The following ATP2B2 variants were observed in gnomAD, a reference collection of about 807,000 sequenced individuals.
ATP2B2 encodes ATPase plasma membrane Ca2+ transporting 2.
Under a neutral mutation model 120.0 loss-of-function variants are expected in ATP2B2, and 15 were observed. The observed-to-expected ratio is 0.12, with a 90% CI of 0.08 to 0.19. The LOEUF (loss-of-function observed/expected upper bound fraction) is 0.19, where lower values mean the gene tolerates loss of function less well. ATP2B2 is among the 10% of genes least tolerant of loss of function. The probability of loss-of-function intolerance (pLI) is 1.00; values close to 1 mark genes in which losing one functional copy is unlikely to be tolerated. For synonymous variants in ATP2B2, 694 were observed against 700.3 expected (o/e 0.99, Z 0.14); for missense variants, 1,045 against 1,719.8 (o/e 0.61, Z 6.94).
chr3:10,373,032 A>T (rs1348620429), intron 11 of ATP2B2, among the ~76,000 whole-genome samples: 2 of 152,246 alleles, frequency 1.3e-5, no homozygotes, highest in African/African-American at 2.4e-5. Context: ...ATAGAGCTTT[A>T]TGTTACTAAA....
intron 2 of ATP2B2, among the ~76,000 whole-genome samples, chr3:10,548,902 TG>T (rs1418292854): frequency 6.6e-6 from 1 of 152,368 alleles, no homozygotes; most frequent in Non-Finnish European, 1.5e-5. Flanking sequence ...TCAGAGGTTT[TG>T]TTTTAATCAT....
intron 2 of ATP2B2, among the ~76,000 whole-genome samples, chr3:10,558,858 G>A (rs1472731524): frequency 2.6e-5 from 4 of 152,050 alleles, no homozygotes; most frequent in African/African-American, 9.7e-5. Flanking sequence ...AGAGGGGAGG[G>A]GAGGAAAGAG....
chr3:10,470,491 C>A, intron 1 of ATP2B2, among the ~76,000 whole-genome samples: 1 of 152,260 alleles, frequency 6.6e-6, no homozygotes, highest in East Asian at 1.9e-4. Flanking sequence ...GAGGGACCTG[C>A]CTCCCAGCTG....
At chr3:10,339,681 G>A (rs1435171503) in intron 21 of ATP2B2, among the ~76,000 whole-genome samples, 1 of 152,198 alleles carries the variant, frequency 6.6e-6, no homozygotes, top group Non-Finnish European at 1.5e-5. Flanking sequence ...ATGGCCACAG[G>A]CACAGCACTG....
At chr3:10,658,618 T>C (rs2070699721) in intron 1 of ATP2B2, among the ~76,000 whole-genome samples, 1 of 152,104 alleles carries the variant, frequency 6.6e-6, no homozygotes, top group South Asian at 2.1e-4. Context: ...CTACATCTGA[T>C]TGGTGTACCT....
At chr3:10,355,092 TAAAC>T (rs138487325) in intron 14 of ATP2B2, among the ~76,000 whole-genome samples, 6,359 of 151,952 alleles carry the variant, frequency 0.042, 298 homozygotes, top group Admixed American at 0.15. Flanking sequence ...AACAAACAAA[TAAAC>T]AAAGCCATAC....
rs186264168 is a variant in ATP2B2, at chr3:10,409,369, T to A, written c.397+1249A>T. Reference sequence around the variant, plus strand: ...TAGTTTTTAATTTTATTTTTCATTTTAAAATTTTTGTTTTATTATTATTAT... The same window carrying A: ...TAGTTTTTAATTTTATTTTTCATTTAAAAATTTTTGTTTTATTATTATTAT... On this transcript the variant is annotated intron_variant, in intron 3 of 22. Transcript: ENST00000360273. 3.9e-4 allele frequency among the ~76,000 whole-genome samples: 60 copies of A among 152,328 alleles called. 1 individual carries two copies. The East Asian group carries it at 6.0e-3, about 15-fold the overall frequency.
chr3:10,400,891 G>A (rs987215074), intron 5 of ATP2B2, 62 bp downstream of exon 5: 1 of 1,609,714 alleles, frequency 6.2e-7, no homozygotes, highest in Non-Finnish European at 8.5e-7. Flanking sequence ...TCATGAAGGG[G>A]ACACACAGGC....
At chr3:10,429,965 T>C (rs1310681432) in intron 2 of ATP2B2, among the ~76,000 whole-genome samples, 1 of 152,172 alleles carries the variant, frequency 6.6e-6, no homozygotes, top group Non-Finnish European at 1.5e-5. Context: ...CCTAACTCTC[T>C]TCAATTCCAT....
In ATP2B2 at chr3:10,480,733, G is replaced by A. The variant is rs149425795; in HGVS notation, c.-320+24732C>T. ...CCCCTTCTGCCATCAGTGCCCGCAA[G>A]GCCTACTGCATTAGCCTCCTCGCCA... On this transcript the variant is annotated intron_variant, in intron 1 of 22. Coordinates refer to ENST00000360273, the MANE Select transcript of ATP2B2 (RefSeq NM_001001331.4). Among the ~76,000 whole-genome samples the A allele has an allele frequency of 2.9e-4, 44 of 152,310 alleles. 1 individual carries two copies. The East Asian group carries it at 5.2e-3, about 18-fold the overall frequency.
At chr3:10,528,978 G>GA (rs893953486) in intron 3 of ATP2B2, among the ~76,000 whole-genome samples, 4 of 152,078 alleles carry the variant, frequency 2.6e-5, no homozygotes, top group Non-Finnish European at 5.9e-5. Context: ...GACTTGGGAG[G>GA]AAAAAAATGG....
chr3:10,406,165 G>A (rs1036258245), intron 3 of ATP2B2, among the ~76,000 whole-genome samples: 1 of 152,250 alleles, frequency 6.6e-6, no homozygotes, highest in African/African-American at 2.4e-5. Flanking sequence ...AGGGCTCCTG[G>A]CTTTAAGTTT....
chr3:10,618,386 C>T (rs2069454248), intron 2 of ATP2B2, among the ~76,000 whole-genome samples: 1 of 152,194 alleles, frequency 6.6e-6, no homozygotes, highest in African/African-American at 2.4e-5. Context: ...AAATTAGCAC[C>T]TCACTGAGCC....
intron 1 of ATP2B2, among the ~76,000 whole-genome samples, chr3:10,621,255 T>C (rs1393294650): frequency 6.6e-6 from 1 of 151,954 alleles, no homozygotes; most frequent in Non-Finnish European, 1.5e-5. Flanking sequence ...CCTGTCCCCT[T>C]CCCAGAAAAA....
intron 22 of ATP2B2, 146 bp downstream of exon 22, chr3:10,338,030 G>C (rs1006136971): frequency 3.1e-6 from 3 of 978,106 alleles, no homozygotes; most frequent in Admixed American, 2.4e-5. Context: ...TGTGCAAGTG[G>C]CTGGTGAGAG....
At chr3:10,520,708 G>A (rs1216504979) in intron 3 of ATP2B2, among the ~76,000 whole-genome samples, 1 of 151,198 alleles carries the variant, frequency 6.6e-6, no homozygotes, top group African/African-American at 2.4e-5. Flanking sequence ...TGCCTGCCTG[G>A]GCCTCCCAAA....
chr3:10,583,128 G>A (rs1476593232), intron 2 of ATP2B2, among the ~76,000 whole-genome samples: 1 of 152,122 alleles, frequency 6.6e-6, no homozygotes, highest in Admixed American at 6.5e-5. Flanking sequence ...CTCAACTGTT[G>A]GGCAAAAGGA....
chr3:10,481,359 C>T (rs949589200), intron 1 of ATP2B2, among the ~76,000 whole-genome samples: 1 of 151,762 alleles, frequency 6.6e-6, no homozygotes, highest in Non-Finnish European at 1.5e-5. Context: ...CACCTCAGGG[C>T]TTCTGCCTGC....
chr3:10,471,954 G>A (rs562354814), intron 1 of ATP2B2, among the ~76,000 whole-genome samples: 44 of 151,740 alleles, frequency 2.9e-4, no homozygotes, highest in Non-Finnish European at 4.9e-4. Context: ...GGTGGCGGGC[G>A]CCTGTAGTCC....
Sources: gnomAD v4.1 joint callset for allele counts (sites outside exome capture counted in the v4.1 genomes callset) on GRCh38, gnomAD v4.1.1 for gene constraint, MANE v1.5 for transcripts, NCBI Gene and HGNC (gene_info 2026-07-23, HGNC 2026-07-21) for gene names.